The following INPP5F variants were observed in gnomAD, a reference collection of about 807,000 sequenced individuals.
The protein encoded by INPP5F is phosphatidylinositide 4-phosphatase SAC2.
A neutral mutation model predicts 137.2 loss-of-function variants in INPP5F; 97 were observed. The observed-to-expected ratio is 0.71, with a 90% CI of 0.60 to 0.84. INPP5F has a LOEUF of 0.84. INPP5F is among the 40% of genes least tolerant of loss of function. The pLI, the probability that INPP5F is intolerant of heterozygous loss-of-function variation, is 0.00. For missense variants in INPP5F, 1,271 were observed against 1,371.9 expected (o/e 0.93, Z 1.16); for synonymous variants, 504 against 476.9 (o/e 1.06, Z -0.74).
intron 2 of INPP5F, among the ~76,000 whole-genome samples, chr10:119,761,181 T>C (rs1195723156): frequency 6.6e-6 from 1 of 152,226 alleles, no homozygotes; most frequent in African/African-American, 2.4e-5. Flanking sequence ...CTAAGCAGAA[T>C]ATACTTCTAA....
chr10:119,764,010 C>T (rs1212685314), intron 2 of INPP5F, among the ~76,000 whole-genome samples: 4 of 152,208 alleles, frequency 2.6e-5, no homozygotes, highest in Non-Finnish European at 5.9e-5. Context: ...TCAGAATGCT[C>T]TTCACGGTTC....
intron 11 of INPP5F, among the ~76,000 whole-genome samples, chr10:119,806,084 T>C (rs1850769349): frequency 6.6e-6 from 1 of 152,134 alleles, no homozygotes; most frequent in South Asian, 2.1e-4. Context: ...TAACTTGGGA[T>C]GATGTCAGCT....
chr10:119,772,380 G>T (rs1047044664), intron 2 of INPP5F, among the ~76,000 whole-genome samples: 1 of 152,060 alleles, frequency 6.6e-6, no homozygotes, highest in Non-Finnish European at 1.5e-5. Context: ...ATTACCGAGA[G>T]GAAAACCTAT....
At chr10:119,792,983 T>C (rs1850201483) in intron 6 of INPP5F, among the ~76,000 whole-genome samples, 1 of 152,134 alleles carries the variant, frequency 6.6e-6, no homozygotes, top group Non-Finnish European at 1.5e-5. Context: ...AGTGGTGTCT[T>C]CGCTAGATAC....
chr10:119,782,290 G>A (rs1299681042), intron 3 of INPP5F, among the ~76,000 whole-genome samples: 2 of 152,218 alleles, frequency 1.3e-5, no homozygotes, highest in African/African-American at 4.8e-5. Context: ...CACAAGTAGA[G>A]TGATTTAAGG....
chr10:119,794,225 A>C (rs368487256), intron 6 of INPP5F, among the ~76,000 whole-genome samples: 9,175 of 151,224 alleles, frequency 0.061, 369 homozygotes, highest in South Asian at 0.25. Context: ...TGACTCTTAA[A>C]GAGCATGCTG....
At chr10:119,769,348 G>T (rs1261369613) in intron 2 of INPP5F, among the ~76,000 whole-genome samples, 2 of 151,962 alleles carry the variant, frequency 1.3e-5, no homozygotes, top group Non-Finnish European at 2.9e-5. Flanking sequence ...GCCCAGGCTG[G>T]TCTCAAACTC....
chr10:119,785,575 A>AGAGAGAGAGAGAGAGAGAGACT (rs1435677238), intron 3 of INPP5F, among the ~76,000 whole-genome samples: 4 of 150,564 alleles, frequency 2.7e-5, no homozygotes, highest in South Asian at 2.1e-4. Flanking sequence ...AGAGAGAGAG[A>AGAGAGAGAGAGAGAGAGAGACT]GAGACTGAGA....
At chr10:119,820,153 T>G (rs1026672792) in intron 15 of INPP5F, among the ~76,000 whole-genome samples, 1 of 152,244 alleles carries the variant, frequency 6.6e-6, no homozygotes, top group Non-Finnish European at 1.5e-5. Context: ...AGAATTTTCT[T>G]ATTGGTAATT....
intron 14 of INPP5F, 72 bp from the exon 15 acceptor site, chr10:119,811,685 A>T: frequency 8.2e-7 from 1 of 1,222,414 alleles, no homozygotes; most frequent in Non-Finnish European, 1.2e-6. Flanking sequence ...TTTAGGTCTT[A>T]CATTCTCTTT....
At chr10:119,820,260 T>C (rs914613842) in intron 15 of INPP5F, among the ~76,000 whole-genome samples, 1 of 152,234 alleles carries the variant, frequency 6.6e-6, no homozygotes, top group Non-Finnish European at 1.5e-5. Context: ...TTAGAATGGG[T>C]ATAAATATGG....
At chr10:119,799,343 A>G (rs1850502588) in intron 9 of INPP5F, 1 of 448,356 alleles carries the variant, frequency 2.2e-6, no homozygotes, top group African/African-American at 2.0e-5. Context: ...ACAGCCTAAA[A>G]TAACATACAA....
chr10:119,819,243 T>TG (rs1554896158), intron 15 of INPP5F: 2 of 209,194 alleles, frequency 9.6e-6, no homozygotes, highest in African/African-American at 4.0e-5. Context: ...TTTTTTTTTT[T>TG]AAAGGGGAAG....
rs529229767 is a variant in INPP5F at position 119,736,990 on chromosome 10, A to AT, written c.97+10638dup. ...ATGTGGGCACCACCACACCTGGCTA[A>AT]TTTTTTTACAACATTTTTTATAGAG... On this transcript the variant is annotated intron_variant, in intron 1 of 19. Coordinates refer to ENST00000650623, the MANE Select transcript of INPP5F (RefSeq NM_014937.4). Among the ~76,000 whole-genome samples the AT allele has an allele frequency of 2.5e-3, 387 of 152,056 alleles. 16 individuals carry two copies. The South Asian group carries it at 0.075, about 29-fold the overall frequency.
At chr10:119,823,221 A>C in intron 18 of INPP5F, 22 bp downstream of exon 18, 1 of 1,607,678 alleles carries the variant, frequency 6.2e-7, no homozygotes, top group South Asian at 1.1e-5. Flanking sequence ...AAGAGATGAA[A>C]GTATTCAGTG....
rs768938523 is a variant in INPP5F at position 119,798,580 on chromosome 10, C to T, written c.1086C>T (p.Phe362=). 21 of 1,611,992 alleles carry T rather than the reference C, an allele frequency of 1.3e-5. No individual in the cohort carries two copies. In the East Asian group the frequency reaches 1.8e-4, roughly 14 times the overall value. Residue 362 remains phenylalanine, a synonymous_variant, in exon 9 of 20, where the codon TTC becomes TTT. Transcript: ENST00000650623. ...CTGTTGCCTATTTCTGTGCCCATTT[C>T]GAAGAACAACTGAACATTTACAAAA... ...KETVAYFCAH[F]EEQLNIYKKQ...
At position 119,811,933 on chromosome 10, in the gene INPP5F, G is replaced by A; in HGVS notation, c.1864G>A (p.Ala622Thr). 6 of 1,614,156 alleles carry A rather than the reference G, an allele frequency of 3.7e-6. No individual in the cohort carries two copies. In the South Asian group the frequency reaches 6.6e-5, roughly 18 times the overall value. Reference protein sequence around the residue: ...PDDEKFHGGWALIDCDPSLID... With the variant: ...PDDEKFHGGWTLIDCDPSLID... Reference sequence around the variant, plus strand: ...TGATGAGAAGTTCCATGGGGGCTGGGCCCTCATTGACTGTGACCCTAGGTG... The same window carrying A: ...TGATGAGAAGTTCCATGGGGGCTGGACCCTCATTGACTGTGACCCTAGGTG... The change falls in exon 15 of 20, where the codon GCC becomes ACC. Residue 622 changes from alanine to threonine, a missense_variant. By Grantham distance (58) the Ala-to-Thr change is moderately conservative. Around this residue, in one of 6 missense-constraint regions of INPP5F, gnomAD observed 593 missense variants for 712.4 expected, o/e 0.83. Transcript: ENST00000650623.
intron 2 of INPP5F, among the ~76,000 whole-genome samples, chr10:119,780,420 T>C (rs1849663854): frequency 6.6e-6 from 1 of 151,794 alleles, no homozygotes; most frequent in African/African-American, 2.4e-5. Context: ...TAAAAAAAAG[T>C]ACAAAAATTA....
At chr10:119,817,938 A>G (rs567484718) in intron 15 of INPP5F, among the ~76,000 whole-genome samples, 2 of 152,384 alleles carry the variant, frequency 1.3e-5, no homozygotes, top group Admixed American at 6.5e-5. Context: ...CTGCAGTCCC[A>G]GCTGCGTTTA....
Sources: gnomAD v4.1 joint callset for allele counts (sites outside exome capture counted in the v4.1 genomes callset) on GRCh38, gnomAD v4.1.1 for gene constraint, gnomAD v4.1.1 regional missense constraint, MANE v1.5 for transcripts, NCBI Gene and HGNC (gene_info 2026-07-23, HGNC 2026-07-21) for gene names.